The following KLHL6 variants were observed in gnomAD, a reference collection of about 807,000 sequenced individuals.
KLHL6 encodes kelch-like protein 6.
A neutral mutation model predicts 58.6 loss-of-function variants in KLHL6; 41 were observed. The ratio of observed to expected loss-of-function variants is 0.70; its 90% CI spans 0.55 to 0.91. The LOEUF (loss-of-function observed/expected upper bound fraction) is 0.91, where lower values mean the gene tolerates loss of function less well. Ranked by LOEUF, KLHL6 falls within the 40% of genes least tolerant of loss-of-function variation. The pLI is 0.00. For synonymous variants in KLHL6, 338 were observed against 322.7 expected (o/e 1.05, Z -0.51); for missense variants, 714 against 805.6 (o/e 0.89, Z 1.38).
intron 3 of KLHL6, among the ~76,000 whole-genome samples, chr3:183,507,091 T>C (rs1351104055): frequency 6.6e-6 from 1 of 152,084 alleles, no homozygotes; most frequent in Non-Finnish European, 1.5e-5. Context: ...AGGAGATTAA[T>C]GATGCAAGAC....
chr3:183,512,686 T>C (rs1718221349), intron 2 of KLHL6, among the ~76,000 whole-genome samples: 1 of 152,126 alleles, frequency 6.6e-6, no homozygotes, highest in African/African-American at 2.4e-5. Flanking sequence ...AGATGAGGTT[T>C]CTCTATGTTG....
chr3:183,511,876 T>C (rs1319487343), intron 2 of KLHL6, among the ~76,000 whole-genome samples: 1 of 152,076 alleles, frequency 6.6e-6, no homozygotes, highest in Non-Finnish European at 1.5e-5. Flanking sequence ...GTTTCTTATG[T>C]CTTCCCTTTC....
chr3:183,535,815 G>A (rs374655352), intron 1 of KLHL6, among the ~76,000 whole-genome samples: 4 of 152,104 alleles, frequency 2.6e-5, no homozygotes, highest in Non-Finnish European at 4.4e-5. Flanking sequence ...TCGCTCTGTC[G>A]CCCAGGCTGG....
At chr3:183,536,995 C>T (rs899906070) in intron 1 of KLHL6, among the ~76,000 whole-genome samples, 1 of 152,100 alleles carries the variant, frequency 6.6e-6, no homozygotes, top group African/African-American at 2.4e-5. Flanking sequence ...GCTTTGACTC[C>T]CCAAGGCCCA....
rs140563447 is a variant in KLHL6 at position 183,555,471 on chromosome 3, G to C, written c.183C>G (p.Gly61=). 3.4e-4 allele frequency: 556 copies of C among 1,614,124 alleles called. 2 individuals are homozygous for C. In the African/African-American group the frequency reaches 6.6e-3, roughly 19 times the overall value. The change falls in exon 1 of 7, where the codon GGC becomes GGG. Residue 61 remains glycine (G), a synonymous_variant. Coordinates refer to ENST00000341319, the MANE Select transcript of KLHL6 (RefSeq NM_130446.4). ...DAGLSLILQN[G]LETLRMENAL... ...CGTTTTCCATTCGCAGGGTTTCCAG[G>C]CCATTCTGAAGAATTAAGGAGAGTC...
At chr3:183,546,781 G>A (rs546115965) in intron 1 of KLHL6, among the ~76,000 whole-genome samples, 16 of 152,312 alleles carry the variant, frequency 1.1e-4, no homozygotes, top group African/African-American at 3.6e-4. Flanking sequence ...GCTGGGATCG[G>A]TAGACGTAAA....
intron 1 of KLHL6, among the ~76,000 whole-genome samples, chr3:183,533,341 CCTTTCTTT>C (rs1448824213): frequency 7.2e-6 from 1 of 138,184 alleles, no homozygotes; most frequent in South Asian, 2.1e-4. Flanking sequence ...TTCCTTTCTT[CCTTTCTTT>C]CTCTTCCTTC....
chr3:183,537,316 G>C (rs541283693), intron 1 of KLHL6, among the ~76,000 whole-genome samples: 45 of 152,224 alleles, frequency 3.0e-4, no homozygotes, highest in Middle Eastern at 3.4e-3. Context: ...GGCCTTTTGC[G>C]GGGGATCAAC....
At chr3:183,520,410 CTG>C (rs1711716787) in intron 2 of KLHL6, 1 of 152,060 alleles carries the variant, frequency 6.6e-6, no homozygotes, top group African/African-American at 2.4e-5. Context: ...GGACAAGAGA[CTG>C]AGAAAAGAAA....
chr3:183,500,293 C>T (rs1184719753), intron 3 of KLHL6, among the ~76,000 whole-genome samples: 1 of 152,166 alleles, frequency 6.6e-6, no homozygotes, highest in African/African-American at 2.4e-5. Flanking sequence ...ACATCCTGGA[C>T]AGTGACAACG....
At chr3:183,498,271 G>T (rs1717770037) in intron 4 of KLHL6, among the ~76,000 whole-genome samples, 1 of 152,104 alleles carries the variant, frequency 6.6e-6, no homozygotes, top group African/African-American at 2.4e-5. Flanking sequence ...ACGTCTACAA[G>T]ATTAAAAGAA....
chr3:183,535,101 C>T lies in KLHL6; in HGVS notation c.294-7091G>A, dbSNP rs141826611. Among the ~76,000 whole-genome samples the T allele has an allele frequency of 6.4e-3, 967 of 152,028 alleles. 25 individuals carry two copies. In the East Asian group the frequency reaches 0.098, roughly 15 times the overall value. On this transcript the variant is annotated intron_variant, in intron 1 of 6. Coordinates refer to ENST00000341319, the MANE Select transcript of KLHL6 (RefSeq NM_130446.4). ...CTGGGACTACAGGCTCATGCCACCACGCCTGGCTAATTTTTGTATTTTTAG... is the reference window on the plus strand; with the variant it reads ...CTGGGACTACAGGCTCATGCCACCATGCCTGGCTAATTTTTGTATTTTTAG...
intron 1 of KLHL6, among the ~76,000 whole-genome samples, chr3:183,544,393 G>A (rs1314186885): frequency 6.6e-6 from 1 of 152,072 alleles, no homozygotes; most frequent in Non-Finnish European, 1.5e-5. Context: ...AAAAGAAGCA[G>A]AGGGATCATA....
chr3:183,521,973 G>T (rs1276367899), intron 2 of KLHL6, among the ~76,000 whole-genome samples: 1 of 150,776 alleles, frequency 6.6e-6, no homozygotes, highest in African/African-American at 2.4e-5. Flanking sequence ...GGGATTACAG[G>T]CGTGAGCCAC....
chr3:183,552,140 G>T (rs1287114138), intron 1 of KLHL6: 1 of 152,180 alleles, frequency 6.6e-6, no homozygotes, highest in African/African-American at 2.4e-5. Flanking sequence ...TGAAAGAGAA[G>T]TTGCAATAAC....
chr3:183,531,065 G>A (rs963139620), intron 1 of KLHL6, among the ~76,000 whole-genome samples: 2 of 151,848 alleles, frequency 1.3e-5, no homozygotes, highest in African/African-American at 2.4e-5. Context: ...AACTCCTGAC[G>A]TCAGGTGATC....
chr3:183,501,598 G>A (rs558619330), intron 3 of KLHL6, among the ~76,000 whole-genome samples: 25 of 152,254 alleles, frequency 1.6e-4, no homozygotes, highest in Admixed American at 1.0e-3. Context: ...TGGACTAGCC[G>A]TGATCTTACC....
rs149695503 is a variant in KLHL6, at chr3:183,508,446, G to A, written c.522C>T (p.Cys174=). Residue 174 remains cysteine (C), a synonymous_variant, in exon 3 of 7, where the codon TGC becomes TGT. Transcript: ENST00000341319. ...FLTEALNPEN[C]VGILRLADTH... is the part of the protein sequence containing the mutation. Reference sequence around the variant, plus strand: ...TGTCAGCCAGCCTCAGTATTCCAACGCAGTTTTCTGGGTTCAAGGCTTCAG... The same window carrying A: ...TGTCAGCCAGCCTCAGTATTCCAACACAGTTTTCTGGGTTCAAGGCTTCAG... 117 of 1,614,030 alleles carry A rather than the reference G, an allele frequency of 7.2e-5. No homozygotes were observed. Among genetic ancestry groups the A allele is most frequent in the Non-Finnish European group, 9.0e-5 (106 of 1,180,036 alleles).
At position 183,494,118 on chromosome 3, in the gene KLHL6, A is replaced by G. The variant is rs1520101; in HGVS notation, c.1311T>C (p.Asn437=). 0.51 allele frequency: 826,897 copies of G among 1,613,698 alleles called. 220,747 individuals are homozygous for G. Among genetic ancestry groups the G allele is most frequent in the African/African-American group, 0.82 (61,159 of 74,976 alleles). ...GGFDGLQRIN[N]VETYDPFHNC... Reference sequence around the variant, plus strand: ...TGTGAAAGGGGTCGTAGGTCTCCACATTGTTGATTCTCTGTAAGCCGTCAA... The same window carrying G: ...TGTGAAAGGGGTCGTAGGTCTCCACGTTGTTGATTCTCTGTAAGCCGTCAA... The change falls in exon 5 of 7, where the codon AAT becomes AAC. Residue 437 remains asparagine (N), a synonymous_variant. Transcript: ENST00000341319.
Sources: gnomAD v4.1 joint callset for allele counts (sites outside exome capture counted in the v4.1 genomes callset) on GRCh38, gnomAD v4.1.1 for gene constraint, MANE v1.5 for transcripts, NCBI Gene and HGNC (gene_info 2026-07-23, HGNC 2026-07-21) for gene names.